The following APOL5 variants were observed in gnomAD, a reference collection of about 807,000 sequenced individuals.
APOL5 encodes apolipoprotein L5, also known as apolipoprotein L, 5.
A neutral mutation model predicts 35.5 loss-of-function variants in APOL5; 29 were observed. The observed-to-expected ratio is 0.82, with a 90% CI of 0.61 to 1.11. APOL5 has a LOEUF of 1.11. APOL5 is among the 50% of genes most tolerant of loss of function. The probability of loss-of-function intolerance (pLI) is 0.00; values close to 1 mark genes in which losing one functional copy is unlikely to be tolerated. For missense variants in APOL5, 514 were observed against 530.4 expected (o/e 0.97, Z 0.30); for synonymous variants, 188 against 200.2 (o/e 0.94, Z 0.51).
In APOL5 at chr22:35,722,425, T is replaced by TC. The variant is rs1927003943; in HGVS notation, c.142+1773dup. On this transcript the variant is annotated intron_variant, in intron 2 of 4. Coordinates refer to ENST00000249044, the MANE Select transcript of APOL5 (RefSeq NM_030642.1). ...TCACGTGATTCTCCTGCCTCAGCCT[T>TC]CCGAGTAGCTGGGACTACAGGTGCC... 3.9e-5 allele frequency among the ~76,000 whole-genome samples: 6 copies of TC among 152,150 alleles called. No homozygotes were observed. The South Asian group carries it at 1.2e-3, about 32-fold the overall frequency.
chr22:35,713,421 C>T (rs1232380172), upstream of APOL5, among the ~76,000 whole-genome samples: 1 of 152,198 alleles, frequency 6.6e-6, no homozygotes, highest in Non-Finnish European at 1.5e-5. Context: ...GGGTAGCTTC[C>T]TCTGAGTTAT....
upstream of APOL5, among the ~76,000 whole-genome samples, chr22:35,717,572 T>C (rs192716381): frequency 8.7e-4 from 131 of 150,638 alleles, no homozygotes; most frequent in Non-Finnish European, 1.6e-3. Context: ...AAACCCTGTC[T>C]CTACTAAAAA....
upstream of APOL5, among the ~76,000 whole-genome samples, chr22:35,717,235 A>AAAAAAAAAAAAAAAAAAAAAATATATAT: frequency 6.9e-5 from 4 of 57,656 alleles, no homozygotes; most frequent in Non-Finnish European, 1.2e-4. Flanking sequence ...AAAAAAAAAA[A>AAAAAAAAAAAAAAAAAAAAAATATATAT]ATATATATAT....
At position 35,729,348 on chromosome 22, in the gene APOL5, C is replaced by A. The variant is rs562279996; in HGVS notation, c.*7-6C>A. 2 of 152,270 alleles carry A rather than the reference C, an allele frequency of 1.3e-5. No homozygotes were observed. Among genetic ancestry groups the A allele is most frequent in the African/African-American group, 2.4e-5 (1 of 41,172 alleles). The allele number at this position is 152,270 out of a possible 1,614,324, so 9.4% of individuals were successfully genotyped here. ...ATTTCCTTTCTTTTTTTTTTTTATA[C>A]CCTAGTTGGTCACCCTGTCACCACT... On this transcript the variant is annotated splice_polypyrimidine_tract_variant and splice_region_variant and intron_variant, in intron 4 of 4. Transcript: ENST00000249044.
chr22:35,711,472 T>C, the APOL5 span, among the ~76,000 whole-genome samples: 3 of 152,204 alleles, frequency 2.0e-5, no homozygotes, highest in Non-Finnish European at 4.4e-5. Context: ...CCTGTTGTTT[T>C]ACACAAGGTG....
At chr22:35,715,690 A>C (rs1244716002), upstream of APOL5, among the ~76,000 whole-genome samples, 1 of 149,000 alleles carries the variant, frequency 6.7e-6, no homozygotes, top group African/African-American at 2.6e-5. Context: ...AACAAAACTT[A>C]GTGTCATGAA....
At chr22:35,724,664 T>A (rs1368223619) in intron 2 of APOL5, among the ~76,000 whole-genome samples, 1 of 152,056 alleles carries the variant, frequency 6.6e-6, no homozygotes, top group Admixed American at 6.6e-5. Context: ...GCTGGAGTGC[T>A]ATGGCGCGAT....
chr22:35,717,877 A>C lies in APOL5; in HGVS notation c.6A>C (p.Pro2=), dbSNP rs771966312. 4 of 1,579,038 alleles carry C rather than the reference A, an allele frequency of 2.5e-6. No homozygotes were observed. In the South Asian group the frequency reaches 4.8e-5, roughly 19 times the overall value. M[P]CGKQGNLQVP... is the part of the protein sequence containing the mutation. ...AATTTTAAAAAATCTAAAGCATGCC[A>C]TGTGGCAAACAAGGAAATTTGCAAG... Residue 2 remains proline, a synonymous_variant, in exon 1 of 5, where the codon CCA becomes CCC. Transcript: ENST00000249044.
At position 35,720,634 on chromosome 22, in the gene APOL5, A is replaced by C. The variant is rs763071253; in HGVS notation, c.122A>C (p.Lys41Thr). 4.3e-6 allele frequency: 7 copies of C among 1,613,580 alleles called. No homozygotes were observed. In the South Asian group the frequency reaches 4.4e-5, roughly 10 times the overall value. Residue 41 changes from lysine (K) to threonine (T), a missense_variant, in exon 2 of 5, where the codon AAG becomes ACG. Coordinates refer to ENST00000249044, the MANE Select transcript of APOL5 (RefSeq NM_030642.1). ...KVIYGGEVWG[K>T]SPEPEFPSLV... is the part of the protein sequence containing the mutation. ...ATCTACGGAGGTGAGGTCTGGGGGA[A>C]GTCCCCAGAACCTGAGTTCCGTGAG...
intron 1 of APOL5, 110 bp downstream of exon 1, chr22:35,718,036 CTGGG>C: frequency 1.3e-6 from 1 of 796,650 alleles, no homozygotes; most frequent in Non-Finnish European, 1.8e-6. Flanking sequence ...TATGCTATTG[CTGGG>C]TGGAGATATA....
chr22:35,722,800 A>C (rs1477510692), intron 2 of APOL5, among the ~76,000 whole-genome samples: 2 of 152,170 alleles, frequency 1.3e-5, no homozygotes, highest in African/African-American at 4.8e-5. Context: ...AAGAGCCTAG[A>C]TGTGTCACCG....
At chr22:35,718,003 T>A in intron 1 of APOL5, 77 bp downstream of exon 1, 2 of 1,238,428 alleles carry the variant, frequency 1.6e-6, no homozygotes, top group Non-Finnish European at 2.2e-6. Context: ...AAAAATACGT[T>A]ACACTATTTT....
intron 2 of APOL5, among the ~76,000 whole-genome samples, chr22:35,723,861 G>A (rs1368991682): frequency 6.6e-6 from 1 of 152,224 alleles, no homozygotes; most frequent in African/African-American, 2.4e-5. Context: ...GGAGGCTGAG[G>A]CAGAAGAATG....
the APOL5 span, among the ~76,000 whole-genome samples, chr22:35,711,172 AAAC>A: frequency 2.6e-5 from 4 of 152,114 alleles, no homozygotes; most frequent in Admixed American, 6.6e-5. Context: ...ACTCTGTCTC[AAAC>A]AACAACAACA....
upstream of APOL5, among the ~76,000 whole-genome samples, chr22:35,717,255 T>TATATATATATATA (rs1167745529): frequency 1.1e-4 from 13 of 123,118 alleles, no homozygotes; most frequent in East Asian, 8.7e-4. Flanking sequence ...TATATATATA[T>TATATATATATATA]TAGCTGGGTG....
the APOL5 span, among the ~76,000 whole-genome samples, chr22:35,710,290 AT>A: frequency 6.8e-6 from 1 of 146,316 alleles, no homozygotes; most frequent in Non-Finnish European, 1.5e-5. Context: ...CACCTGGCTA[AT>A]TTTTTTTCTT....
Position 35,726,863 on chromosome 22 carries a change from G to A in APOL5, c.795G>A (p.Lys265=). ...CTATGGTCAAGAATTTTGTGGCCAA[G>A]AGACACATCCCTTTCTGGACGGCTA... ...FMAMVKNFVA[K]RHIPFWTARG... The change falls in exon 3 of 5, where the codon AAG becomes AAA. Residue 265 remains lysine (K), a synonymous_variant. Transcript: ENST00000249044. The A allele has an allele frequency of 5.0e-6, 8 of 1,614,254 alleles. No homozygotes were observed. Among genetic ancestry groups the A allele is most frequent in the Non-Finnish European group, 5.9e-6 (7 of 1,180,052 alleles).
At chr22:35,725,932 G>A (rs1031150287) in intron 2 of APOL5, among the ~76,000 whole-genome samples, 4 of 152,186 alleles carry the variant, frequency 2.6e-5, no homozygotes, top group African/African-American at 9.7e-5. Context: ...AGGCAAGAAG[G>A]GGGTTTGTTT....
chr22:35,708,749 T>C, the APOL5 span, among the ~76,000 whole-genome samples: 1 of 152,214 alleles, frequency 6.6e-6, no homozygotes, highest in Non-Finnish European at 1.5e-5. Flanking sequence ...TATATATTTA[T>C]AGGGGCAGGC....
Sources: gnomAD v4.1 joint callset for allele counts (sites outside exome capture counted in the v4.1 genomes callset) on GRCh38, gnomAD v4.1.1 for gene constraint, MANE v1.5 for transcripts, NCBI Gene and HGNC (gene_info 2026-07-23, HGNC 2026-07-21) for gene names.